KCNH1: variants seen among roughly 807,000 people sequenced by gnomAD.
KCNH1 encodes the protein potassium voltage-gated channel subfamily H member 1.
In KCNH1, 27 loss-of-function variants were observed where a neutral mutation model predicts 69.2. That is an observed-to-expected ratio of 0.39 (90% CI 0.29 to 0.54). The LOEUF (loss-of-function observed/expected upper bound fraction) is 0.54. Ranked by LOEUF, KCNH1 falls within the 20% of genes least tolerant of loss-of-function variation. KCNH1 has a pLI of 0.68. For missense variants in KCNH1, 798 were observed against 1,261.6 expected (o/e 0.63, Z 5.57); for synonymous variants, 456 against 487.7 (o/e 0.93, Z 0.86).
intron 7 of KCNH1, among the ~76,000 whole-genome samples, chr1:210,884,501 G>T (rs1258070200): frequency 6.6e-6 from 1 of 152,168 alleles, no homozygotes; most frequent in African/African-American, 2.4e-5. Flanking sequence ...TTACCCAAAG[G>T]CACATAATTT....
intron 7 of KCNH1, among the ~76,000 whole-genome samples, chr1:210,915,275 T>G (rs1687312084): frequency 1.3e-5 from 2 of 152,156 alleles, no homozygotes; most frequent in Admixed American, 1.3e-4. Flanking sequence ...TCACCCAGAC[T>G]GTCAACTCCT....
At chr1:210,710,718 C>G (rs1052099025) in intron 10 of KCNH1, among the ~76,000 whole-genome samples, 2 of 152,140 alleles carry the variant, frequency 1.3e-5, no homozygotes, top group African/African-American at 4.8e-5. Flanking sequence ...GGGAGTCATA[C>G]TTGGGTCTGC....
intron 6 of KCNH1, among the ~76,000 whole-genome samples, chr1:210,929,934 CA>C (rs35216451): frequency 0.43 from 65,082 of 151,790 alleles, 14,292 homozygotes; most frequent in South Asian, 0.48. Context: ...ACAATAGCTG[CA>C]AAAAAATAAA....
chr1:210,692,071 G>A (rs1241249513), intron 10 of KCNH1, among the ~76,000 whole-genome samples: 2 of 152,200 alleles, frequency 1.3e-5, no homozygotes, highest in Non-Finnish European at 2.9e-5. Context: ...TCAGCACACT[G>A]CTAACAGGCA....
intron 1 of KCNH1, among the ~76,000 whole-genome samples, chr1:211,118,528 G>A (rs886716259): frequency 6.6e-6 from 1 of 152,176 alleles, no homozygotes; most frequent in African/African-American, 2.4e-5. Context: ...GCAAGAGTGT[G>A]TGCAATTAAG....
chr1:210,906,506 G>A (rs1318354511), intron 7 of KCNH1, among the ~76,000 whole-genome samples: 1 of 152,190 alleles, frequency 6.6e-6, no homozygotes, highest in Non-Finnish European at 1.5e-5. Context: ...ATTCCACACA[G>A]TGACCGTCTT....
At chr1:210,780,589 A>G (rs1054065566) in intron 9 of KCNH1, among the ~76,000 whole-genome samples, 2 of 152,252 alleles carry the variant, frequency 1.3e-5, no homozygotes, top group East Asian at 3.9e-4. Context: ...TATCCAGCTC[A>G]AGTTCAAGGG....
At position 210,806,922 on chromosome 1, in the gene KCNH1, G is replaced by T. The variant is rs150050062; in HGVS notation, c.1463-2756C>A. On this transcript the variant is annotated intron_variant, in intron 7 of 10. Coordinates refer to ENST00000271751, the MANE Select transcript of KCNH1 (RefSeq NM_172362.3). The stretch of plus-strand genomic sequence containing the variant: ...TTTGGGAGGCTGAGGCAGGAGAATC[G>T]CTTGAACCCAGGAGGCAGAGTTTGC... Among the ~76,000 whole-genome samples, 135 of 141,136 alleles carry T rather than the reference G, an allele frequency of 9.6e-4. 2 individuals carry two copies. Among genetic ancestry groups the T allele is most frequent in the African/African-American group, 3.3e-3 (124 of 37,162 alleles). The allele number at this position is 141,136 out of a possible 152,430, so 92.6% of individuals were successfully genotyped here. A position where few individuals can be genotyped will look rare whatever the true frequency, so the allele number is the denominator to read the frequency against.
At chr1:210,711,561 T>G (rs892405533) in intron 10 of KCNH1, among the ~76,000 whole-genome samples, 1 of 152,222 alleles carries the variant, frequency 6.6e-6, no homozygotes, top group South Asian at 2.1e-4. Context: ...TCCTCCTCTT[T>G]GCCTAGCCAG....
chr1:210,859,244 C>T (rs571599215), intron 7 of KCNH1: 1 of 1,611,872 alleles, frequency 6.2e-7, no homozygotes, highest in African/African-American at 1.3e-5. Context: ...GAATTTGTAT[C>T]CTCCATGCTT....
At chr1:210,860,179 G>T in intron 7 of KCNH1, 1 of 1,206,718 alleles carries the variant, frequency 8.3e-7, no homozygotes, top group Non-Finnish European at 1.2e-6. Context: ...GGTATCAACT[G>T]TTACATAATT....
intron 3 of KCNH1, 22 bp from the exon 4 acceptor site, chr1:211,090,712 T>C: frequency 1.3e-6 from 2 of 1,591,648 alleles, no homozygotes; most frequent in African/African-American, 1.4e-5. Flanking sequence ...ATCAAAAGGT[T>C]GGTCAGTAAT....
intron 3 of KCNH1, among the ~76,000 whole-genome samples, chr1:211,102,427 T>C (rs1448203396): frequency 6.6e-6 from 1 of 152,120 alleles, no homozygotes; most frequent in Non-Finnish European, 1.5e-5. Context: ...GTTCCTCTCC[T>C]AGCTAATAGT....
chr1:210,838,481 G>C (rs996077508), intron 7 of KCNH1, among the ~76,000 whole-genome samples: 1 of 152,016 alleles, frequency 6.6e-6, no homozygotes, highest in Admixed American at 6.5e-5. Flanking sequence ...GAAAACCTAG[G>C]CAATACCATT....
chr1:210,815,601 A>C (rs1387337037), intron 7 of KCNH1, among the ~76,000 whole-genome samples: 2 of 152,070 alleles, frequency 1.3e-5, no homozygotes, highest in Non-Finnish European at 2.9e-5. Context: ...GCCCCACTCC[A>C]CCAGATACTC....
chr1:210,999,325 AG>A (rs1234116031), intron 6 of KCNH1, among the ~76,000 whole-genome samples: 5 of 152,152 alleles, frequency 3.3e-5, no homozygotes, highest in African/African-American at 1.2e-4. Context: ...AAAATGATAA[AG>A]GGGATATCAC....
chr1:210,712,463 C>T (rs551832899), intron 10 of KCNH1, among the ~76,000 whole-genome samples: 21 of 152,128 alleles, frequency 1.4e-4, no homozygotes, highest in Admixed American at 9.2e-4. Context: ...CACAGCAGAA[C>T]GAAGAGGCTG....
chr1:211,079,524 T>A (rs1461659424), intron 5 of KCNH1, among the ~76,000 whole-genome samples: 2 of 152,152 alleles, frequency 1.3e-5, no homozygotes, highest in African/African-American at 4.8e-5. Flanking sequence ...AAAAAGAGAA[T>A]TTTAGACCAA....
chr1:211,126,296 A>T (rs948818034), intron 1 of KCNH1, among the ~76,000 whole-genome samples: 1 of 152,090 alleles, frequency 6.6e-6, no homozygotes, highest in Non-Finnish European at 1.5e-5. Flanking sequence ...GGATCACAAG[A>T]TCAGGAGATC....
Sources: gnomAD v4.1 joint callset for allele counts (sites outside exome capture counted in the v4.1 genomes callset) on GRCh38, gnomAD v4.1.1 for gene constraint, MANE v1.5 for transcripts, NCBI Gene and HGNC (gene_info 2026-07-23, HGNC 2026-07-21) for gene names.